The following NBEAL1 variants were observed in gnomAD, a reference collection of about 807,000 sequenced individuals.
NBEAL1 encodes neurobeachin like 1, also known as neurobeachin-like protein 1.
A neutral mutation model predicts 351.3 loss-of-function variants in NBEAL1; 273 were observed. That is an observed-to-expected ratio of 0.78 (90% CI 0.70 to 0.86). The LOEUF is 0.86. Ranked by LOEUF, NBEAL1 falls within the 40% of genes least tolerant of loss-of-function variation. The pLI is 0.00. For synonymous variants in NBEAL1, 1,050 were observed against 1,086.4 expected, an observed-to-expected ratio of 0.97 and a Z score of 0.66; for missense variants, 2,961 against 3,201.3, an observed-to-expected ratio of 0.92 and a Z score of 1.81.
At chr2:203,133,168 A>G (rs2063114335) in intron 27 of NBEAL1, 22 bp downstream of exon 27, 8 of 1,094,246 alleles carry the variant, frequency 7.3e-6, no homozygotes, top group Middle Eastern at 2.1e-4. Context: ...CTTAAGATAT[A>G]TTTTAATGAT....
intron 15 of NBEAL1, among the ~76,000 whole-genome samples, chr2:203,110,604 G>A (rs1025117864): frequency 4.0e-5 from 6 of 151,184 alleles, no homozygotes; most frequent in Non-Finnish European, 7.4e-5. Context: ...AGCCCAGGAA[G>A]TCAAGGCTCC....
chr2:203,117,139 C>T lies in NBEAL1; in HGVS notation c.2592+1069C>T, dbSNP rs62182209. 5.3e-3 allele frequency among the ~76,000 whole-genome samples: 806 copies of T among 151,312 alleles called. 2 individuals carry two copies. Among genetic ancestry groups the T allele is most frequent in the Non-Finnish European group, 8.2e-3 (556 of 67,718 alleles). ...GAAAGTAATAAATTATTATCATGCA[C>T]AAGCTGGCTAAACTAGAAAAAGATA... On this transcript the variant is annotated intron_variant, in intron 18 of 55. Coordinates refer to ENST00000683969, the MANE Select transcript of NBEAL1 (RefSeq NM_001378026.1).
chr2:203,169,697 C>T (rs1264569520), intron 38 of NBEAL1, 50 bp from the exon 39 acceptor site: 1 of 944,180 alleles, frequency 1.1e-6, no homozygotes, highest in Non-Finnish European at 1.6e-6. Flanking sequence ...CCATAATCTT[C>T]CAAGTTTGTC....
chr2:203,065,703 G>T (rs2061572204), intron 6 of NBEAL1, among the ~76,000 whole-genome samples: 1 of 151,974 alleles, frequency 6.6e-6, no homozygotes, highest in African/African-American at 2.4e-5. Context: ...AGTGAGCCGA[G>T]ATTGCGCCAC....
chr2:203,180,506 C>T lies in NBEAL1; in HGVS notation c.6589C>T (p.Gln2197Ter). The part of the protein sequence containing the change: ...FFYFPEFLEN[Q>*]NQFNLGRLQI... ...CTATTTCCCAGAGTTTTTGGAAAAT[C>T]AAAATCGTAAGAAATAGAGGATTAA... Residue 2197 changes from glutamine (Q) to a stop codon, truncating the protein, a stop_gained, in exon 43 of 56, where the codon CAA becomes TAA. Transcript: ENST00000683969. LOFTEE classifies it high-confidence loss of function. The T allele has an allele frequency of 6.2e-7, 1 of 1,607,404 alleles. No individual in the cohort carries two copies. Among genetic ancestry groups the T allele is most frequent in the Non-Finnish European group, 8.5e-7 (1 of 1,177,670 alleles).
At chr2:203,019,731 G>C (rs1223567491) in intron 2 of NBEAL1, among the ~76,000 whole-genome samples, 1 of 152,150 alleles carries the variant, frequency 6.6e-6, no homozygotes, top group African/African-American at 2.4e-5. Flanking sequence ...CATTGCAAAA[G>C]TTCAGTAGGT....
intron 23 of NBEAL1, among the ~76,000 whole-genome samples, 180 bp downstream of exon 23, chr2:203,127,106 C>T (rs979291854): frequency 5.3e-5 from 8 of 152,174 alleles, no homozygotes; most frequent in African/African-American, 1.9e-4. Flanking sequence ...GAGTTTGAAT[C>T]TGGCTTTCAT....
At chr2:203,139,270 TTC>T (rs2063302612) in intron 31 of NBEAL1, among the ~76,000 whole-genome samples, 2 of 152,102 alleles carry the variant, frequency 1.3e-5, no homozygotes, top group South Asian at 4.1e-4. Flanking sequence ...TATTTATTAT[TTC>T]TGTTTTAAAT....
chr2:203,138,021 C>CAGTA, intron 29 of NBEAL1, 141 bp from the exon 30 acceptor site: 1 of 726,892 alleles, frequency 1.4e-6, no homozygotes. Flanking sequence ...TTTCCATTTA[C>CAGTA]AGTATCTTAG....
At chr2:203,030,592 A>G (rs1316412569) in intron 2 of NBEAL1, among the ~76,000 whole-genome samples, 1 of 152,232 alleles carries the variant, frequency 6.6e-6, no homozygotes, top group Non-Finnish European at 1.5e-5. Context: ...ATAAGGATCA[A>G]TTAGATTCTA....
intron 29 of NBEAL1, among the ~76,000 whole-genome samples, chr2:203,137,183 A>C (rs1022323155): frequency 6.6e-6 from 1 of 152,172 alleles, no homozygotes; most frequent in Non-Finnish European, 1.5e-5. Context: ...AGTTTGTCCA[A>C]CCCACAGGTT....
At chr2:203,115,537 G>A (rs928238002) in intron 17 of NBEAL1, among the ~76,000 whole-genome samples, 1 of 152,050 alleles carries the variant, frequency 6.6e-6, no homozygotes, top group Non-Finnish European at 1.5e-5. Flanking sequence ...CCAGGCTTGA[G>A]TGATCTCTCA....
chr2:203,169,388 T>TAAAAAAAAAA (rs1208449990), intron 38 of NBEAL1, among the ~76,000 whole-genome samples: 3 of 89,626 alleles, frequency 3.3e-5, no homozygotes, highest in Non-Finnish European at 6.4e-5. Context: ...TTGAATATAG[T>TAAAAAAAAAA]AAAAAAAAAA....
In NBEAL1 at chr2:203,125,897, A is replaced by T. The variant is rs1328272152; in HGVS notation, c.2852-63A>T. ...TGTGTAACAGTGTGCATTAAGATAT[A>T]GAAAATGTGATATAAAAGTGATTAG... On this transcript the variant is annotated intron_variant, in intron 20 of 55. Coordinates refer to ENST00000683969, the MANE Select transcript of NBEAL1 (RefSeq NM_001378026.1). 2.2e-6 allele frequency: 3 copies of T among 1,352,262 alleles called. No homozygotes were observed. The East Asian group carries it at 8.0e-5, about 36-fold the overall frequency. The allele number at this position is 1,352,262 out of a possible 1,614,324, so 83.8% of individuals were successfully genotyped here.
chr2:203,038,204 G>A (rs2061070788), intron 2 of NBEAL1, among the ~76,000 whole-genome samples: 1 of 148,976 alleles, frequency 6.7e-6, no homozygotes, highest in Non-Finnish European at 1.5e-5. Flanking sequence ...AAACATTTTT[G>A]TACAAGTGTT....
rs148059575 is a variant in NBEAL1, at chr2:203,124,183, G to A, written c.2683-1169G>A. Among the ~76,000 whole-genome samples the A allele has an allele frequency of 3.0e-3, 455 of 152,168 alleles. 4 individuals carry two copies. The highest frequency in any genetic ancestry group is 0.01 in the African/African-American group (433 of 41,518). Reference sequence around the variant, plus strand: ...AAAACTTTGTACAAAAAATACACACGTTAGCTGAGTGTGGTGGCACATGCC... The same window carrying A: ...AAAACTTTGTACAAAAAATACACACATTAGCTGAGTGTGGTGGCACATGCC... On this transcript the variant is annotated intron_variant, in intron 19 of 55. Coordinates refer to ENST00000683969, the MANE Select transcript of NBEAL1 (RefSeq NM_001378026.1).
chr2:203,049,267 C>T (rs2061283913), intron 3 of NBEAL1, among the ~76,000 whole-genome samples: 1 of 152,118 alleles, frequency 6.6e-6, no homozygotes, highest in African/African-American at 2.4e-5. Context: ...CCATGTTGAC[C>T]AGGCTGGTCT....
In NBEAL1 at chr2:203,151,528, G is replaced by C; in HGVS notation, c.5526G>C (p.Lys1842Asn). 6.2e-7 allele frequency: 1 copy of C among 1,611,062 alleles called. No homozygotes were observed. The highest frequency in any genetic ancestry group is 8.5e-7 in the Non-Finnish European group (1 of 1,178,592). The stretch of plus-strand genomic sequence containing the variant: ...AGAATTATTCCCGCATGAGACTTAA[G>C]CTGGTACCGAATTATAATTTCAAAA... The part of the protein sequence containing the change: ...NVENYSRMRL[K>N]LVPNYNFKTH... The change falls in exon 35 of 56, where the codon AAG becomes AAC. Residue 1842 changes from lysine (K) to asparagine (N), a missense_variant. Transcript: ENST00000683969.
chr2:203,040,274 T>A (rs2061118561), intron 2 of NBEAL1: 1 of 809,214 alleles, frequency 1.2e-6, no homozygotes, highest in Admixed American at 1.9e-5. Flanking sequence ...GAATCATTCC[T>A]ACATGATTCC....
Sources: allele counts gnomAD v4.1 joint callset (sites outside exome capture counted in the v4.1 genomes callset), GRCh38; gene constraint gnomAD v4.1.1; transcripts MANE v1.5; gene names NCBI Gene and HGNC (gene_info 2026-07-23, HGNC 2026-07-21).